SUGP2: variants seen among roughly 807,000 people sequenced by gnomAD.
SUGP2 encodes the protein SURP and G-patch domain containing 2, also known as SURP and G-patch domain-containing protein 2.
Under a neutral mutation model 90.5 loss-of-function variants are expected in SUGP2, and 24 were observed. The ratio of observed to expected loss-of-function variants is 0.27; its 90% CI spans 0.19 to 0.37. The LOEUF is 0.37. SUGP2 is among the 10% of genes least tolerant of loss of function. The pLI is 1.00. For missense variants in SUGP2, 1,233 were observed against 1,363.3 expected (o/e 0.90, Z 1.51); for synonymous variants, 473 against 513.4 (o/e 0.92, Z 1.06).
intron 10 of SUGP2, chr19:18,993,992 GT>G (rs2145212491): frequency 5.8e-6 from 1 of 171,662 alleles, no homozygotes; most frequent in African/African-American, 2.4e-5. Flanking sequence ...TGCTGGTCAT[GT>G]TATGTGGTAG....
At position 19,025,695 on chromosome 19, in the gene SUGP2, A is replaced by G. The variant is rs1213521584; in HGVS notation, c.653T>C (p.Ile218Thr). 1 of 1,613,694 alleles carries G rather than the reference A, an allele frequency of 6.2e-7. No homozygotes were observed. The highest frequency in any genetic ancestry group is 1.7e-5 in the Admixed American group (1 of 59,946). ...QVQARGRALN[I>T]VDQEGSLLGK... Reference sequence around the variant, plus strand: ...TAGGAGGGAACCTTCCTGGTCAACGATGTTTAGAGCTCGACCTCTGGCCTG... The same window carrying G: ...TAGGAGGGAACCTTCCTGGTCAACGGTGTTTAGAGCTCGACCTCTGGCCTG... Residue 218 changes from isoleucine (I) to threonine (T), a missense_variant, in exon 3 of 11, where the codon ATC (isoleucine) becomes ACC (threonine). Physicochemically the swap from Ile to Thr is moderately conservative, Grantham distance 89. This residue lies in a region of SUGP2 where 418 missense variants were observed against 399.9 expected (regional missense o/e 1.05). Coordinates refer to ENST00000452918, the MANE Select transcript of SUGP2 (RefSeq NM_001017392.5).
intron 3 of SUGP2, among the ~76,000 whole-genome samples, chr19:19,022,624 CT>C (rs2058769616): frequency 6.6e-6 from 1 of 152,184 alleles, no homozygotes; most frequent in Non-Finnish European, 1.5e-5. Context: ...ACATCAAAGA[CT>C]GTGGGAGGGT....
intron 8 of SUGP2, among the ~76,000 whole-genome samples, chr19:18,998,767 T>C (rs887264735): frequency 1.3e-5 from 2 of 151,616 alleles, no homozygotes; most frequent in Non-Finnish European, 2.9e-5. Context: ...AGGGGAGGTA[T>C]GAAGGGAGGA....
chr19:19,028,757 G>A (rs2059029155), intron 2 of SUGP2, among the ~76,000 whole-genome samples: 1 of 152,128 alleles, frequency 6.6e-6, no homozygotes, highest in Non-Finnish European at 1.5e-5. Context: ...GGAGCGCAGT[G>A]GTGCGATCTC....
At position 19,025,425 on chromosome 19, in the gene SUGP2, C is replaced by T. The variant is rs576858379; in HGVS notation, c.923G>A (p.Arg308Gln). Residue 308 changes from arginine to glutamine, a missense_variant, in exon 3 of 11, where the codon CGG becomes CAG. Coordinates refer to ENST00000452918, the MANE Select transcript of SUGP2 (RefSeq NM_001017392.5). Reference protein sequence around the residue: ...IPLGLDLKNLRLPRRKMSFDI... With the variant: ...IPLGLDLKNLQLPRRKMSFDI... Reference sequence around the variant, plus strand: ...AAAGCTCATCTTTCTTCTGGGGAGCCGAAGATTCTTCAGATCCAGCCCCAG... The same window carrying T: ...AAAGCTCATCTTTCTTCTGGGGAGCTGAAGATTCTTCAGATCCAGCCCCAG... The T allele has an allele frequency of 3.7e-5, 60 of 1,614,060 alleles. No individual in the cohort carries two copies. The highest frequency in any genetic ancestry group is 3.3e-4 in the Middle Eastern group (2 of 6,062).
intron 2 of SUGP2, among the ~76,000 whole-genome samples, chr19:19,030,218 G>A (rs1415131923): frequency 2.0e-4 from 30 of 151,958 alleles, no homozygotes; most frequent in Admixed American, 1.8e-3. Context: ...GGCTGGGCTC[G>A]GTGGCTCATG....
At chr19:19,002,178 G>A (rs2057860276) in intron 7 of SUGP2, among the ~76,000 whole-genome samples, 2 of 152,074 alleles carry the variant, frequency 1.3e-5, no homozygotes, top group African/African-American at 4.8e-5. Context: ...TTAGGAGTTC[G>A]AGACCAGCCT....
intron 3 of SUGP2, among the ~76,000 whole-genome samples, chr19:19,020,389 G>A (rs138074954): frequency 0.1 from 15,088 of 149,088 alleles, 1,074 homozygotes; most frequent in Middle Eastern, 0.17. Flanking sequence ...CCGAGATTGC[G>A]CCACTGCACT....
intron 3 of SUGP2, among the ~76,000 whole-genome samples, chr19:19,019,585 A>C (rs1181652997): frequency 6.6e-6 from 1 of 152,126 alleles, no homozygotes; most frequent in Non-Finnish European, 1.5e-5. Context: ...AAATATAAAT[A>C]TCTAGTATAA....
Position 19,010,347 on chromosome 19 carries a change from A to G in SUGP2, c.1851-5T>C. The stretch of plus-strand genomic sequence containing the variant: ...CTATTTTCATCAGACAAAAACCTAG[A>G]TAACAAAACAAGCATAACGGGACAT... On this transcript the variant is annotated splice_polypyrimidine_tract_variant and splice_region_variant and intron_variant, in intron 4 of 10. Transcript: ENST00000452918. The G allele has an allele frequency of 1.2e-6, 2 of 1,605,764 alleles. No homozygotes were observed. The highest frequency in any genetic ancestry group is 1.7e-6 in the Non-Finnish European group (2 of 1,176,994).
At chr19:19,029,298 C>T (rs913581417) in intron 2 of SUGP2, among the ~76,000 whole-genome samples, 7 of 151,828 alleles carry the variant, frequency 4.6e-5, no homozygotes, top group Non-Finnish European at 8.8e-5. Flanking sequence ...CCCGCCACCA[C>T]GCCCGGCTAA....
At chr19:19,018,095 T>C (rs2058569396) in intron 4 of SUGP2, among the ~76,000 whole-genome samples, 1 of 151,382 alleles carries the variant, frequency 6.6e-6, no homozygotes, top group Non-Finnish European at 1.5e-5. Context: ...AATACACAGA[T>C]TTGAGACCTT....
intron 1 of SUGP2, 36 bp from the exon 2 acceptor site, chr19:19,031,118 C>T: frequency 6.3e-7 from 1 of 1,595,078 alleles, no homozygotes; most frequent in East Asian, 2.2e-5. Flanking sequence ...CTAAGAGCAA[C>T]AACTTGGAGC....
intron 3 of SUGP2, 92 bp downstream of exon 3, chr19:19,024,527 T>A: frequency 7.0e-7 from 1 of 1,437,076 alleles, no homozygotes; most frequent in South Asian, 1.4e-5. Flanking sequence ...TCCAATTGGC[T>A]AAAGAACTTC....
At chr19:19,007,993 G>A (rs1405749186) in intron 6 of SUGP2, among the ~76,000 whole-genome samples, 1 of 151,874 alleles carries the variant, frequency 6.6e-6, no homozygotes, top group Non-Finnish European at 1.5e-5. Context: ...TCCTGAACTC[G>A]GGTGATTAGA....
rs527264402 is a variant in SUGP2 at position 18,997,162 on chromosome 19, C to T, written c.2992-1882G>A. On this transcript the variant is annotated intron_variant, in intron 8 of 10. Coordinates refer to ENST00000452918, the MANE Select transcript of SUGP2 (RefSeq NM_001017392.5). ...ATAATTCAACCAAAAGACAAATCCC[C>T]CCCTTGCCATCTGCATTGAGGTGCC... Among the ~76,000 whole-genome samples the T allele has an allele frequency of 2.0e-5, 3 of 152,254 alleles. No homozygotes were observed. In the South Asian group the frequency reaches 6.2e-4, roughly 32 times the overall value.
intron 4 of SUGP2, among the ~76,000 whole-genome samples, chr19:19,015,261 C>T (rs1040684264): frequency 6.6e-6 from 1 of 151,632 alleles, no homozygotes; most frequent in Non-Finnish European, 1.5e-5. Flanking sequence ...CAGAGGTAGC[C>T]GTGAGAAGTA....
At position 19,008,595 on chromosome 19, in the gene SUGP2, G is replaced by A. The variant is rs79633285; in HGVS notation, c.2339-167C>T. On this transcript the variant is annotated intron_variant, in intron 5 of 10. Transcript: ENST00000452918. Reference sequence around the variant, plus strand: ...TTTGTCACCAAGAAGTGAACTCTGTGTATCCCCACCTTGAATCAGGGCTGG... The same window carrying A: ...TTTGTCACCAAGAAGTGAACTCTGTATATCCCCACCTTGAATCAGGGCTGG... Among the ~76,000 whole-genome samples, 706 of 152,294 alleles carry A rather than the reference G, an allele frequency of 4.6e-3. 11 individuals are homozygous for A. The highest frequency in any genetic ancestry group is 0.016 in the African/African-American group (667 of 41,564).
chr19:19,010,900 G>A (rs2058287026), intron 4 of SUGP2, among the ~76,000 whole-genome samples: 2 of 152,110 alleles, frequency 1.3e-5, no homozygotes, highest in Non-Finnish European at 2.9e-5. Context: ...AGCACTTTGA[G>A]AGGCTGAGGC....
Sources: gnomAD v4.1 joint callset for allele counts (sites outside exome capture counted in the v4.1 genomes callset) on GRCh38, gnomAD v4.1.1 for gene constraint, gnomAD v4.1.1 regional missense constraint, MANE v1.5 for transcripts, NCBI Gene and HGNC (gene_info 2026-07-23, HGNC 2026-07-21) for gene names.